Variants in PDE4B observed in about 807,000 individuals in gnomAD.
PDE4B encodes phosphodiesterase 4B.
Under a neutral mutation model 82.2 loss-of-function variants are expected in PDE4B, and 20 were observed. That is an observed-to-expected ratio of 0.24 (90% CI 0.17 to 0.35). PDE4B has a LOEUF of 0.35. PDE4B is among the 10% of genes least tolerant of loss of function. The pLI, the probability that PDE4B is intolerant of heterozygous loss-of-function variation, is 1.00. For missense variants in PDE4B, 655 were observed against 907.2 expected (o/e 0.72, Z 3.57); for synonymous variants, 320 against 318.9 (o/e 1.00, Z -0.04).
At chr1:65,932,739 A>G (rs1214932810) in intron 3 of PDE4B, among the ~76,000 whole-genome samples, 1 of 152,158 alleles carries the variant, frequency 6.6e-6, no homozygotes, top group Non-Finnish European at 1.5e-5. Flanking sequence ...CAACAGAGAT[A>G]TAGAAAGTAT....
intron 3 of PDE4B, among the ~76,000 whole-genome samples, chr1:65,927,904 C>T (rs749066976): frequency 4.6e-5 from 7 of 152,026 alleles, no homozygotes; most frequent in Non-Finnish European, 8.8e-5. Flanking sequence ...AGGATGAGTC[C>T]GGGAACCCAC....
chr1:66,079,142 G>A (rs768015667), intron 3 of PDE4B, among the ~76,000 whole-genome samples: 5 of 133,872 alleles, frequency 3.7e-5, no homozygotes, highest in Non-Finnish European at 8.0e-5. Flanking sequence ...TCACTGTCTC[G>A]GTTTCTGTCT....
chr1:66,123,213 A>G (rs1645749218), intron 3 of PDE4B, among the ~76,000 whole-genome samples: 1 of 152,130 alleles, frequency 6.6e-6, no homozygotes, highest in Non-Finnish European at 1.5e-5. Flanking sequence ...ACAAGAGAAA[A>G]TGGCTTGCTT....
At chr1:65,817,959 C>A (rs911335451) in intron 1 of PDE4B, among the ~76,000 whole-genome samples, 2 of 152,052 alleles carry the variant, frequency 1.3e-5, no homozygotes, top group African/African-American at 4.8e-5. Context: ...TGTAAAATTT[C>A]TTTTATCAGA....
At chr1:66,121,201 C>T (rs1645702770) in intron 3 of PDE4B, among the ~76,000 whole-genome samples, 1 of 151,300 alleles carries the variant, frequency 6.6e-6, no homozygotes, top group African/African-American at 2.4e-5. Context: ...AAGACAAATG[C>T]AGGCATAGCA....
At chr1:66,336,945 G>T (rs2101934108) in intron 8 of PDE4B, among the ~76,000 whole-genome samples, 1 of 152,348 alleles carries the variant, frequency 6.6e-6, no homozygotes, top group Non-Finnish European at 1.5e-5. Context: ...GAATTAGGCT[G>T]CATGACACTG....
At chr1:65,973,547 C>A (rs1650256835) in intron 3 of PDE4B, among the ~76,000 whole-genome samples, 1 of 152,128 alleles carries the variant, frequency 6.6e-6, no homozygotes. Context: ...ACACAATAGA[C>A]ACCTAGGAAT....
chr1:66,338,747 G>T (rs1363112120), intron 8 of PDE4B, among the ~76,000 whole-genome samples: 1 of 152,102 alleles, frequency 6.6e-6, no homozygotes, highest in Non-Finnish European at 1.5e-5. Context: ...GGCCGGGCGC[G>T]GTGGCTCACG....
chr1:66,194,424 GAAACAGA>G (rs1424881695), intron 3 of PDE4B, among the ~76,000 whole-genome samples: 1 of 152,028 alleles, frequency 6.6e-6, no homozygotes, highest in Non-Finnish European at 1.5e-5. Context: ...TTAAACAATA[GAAACAGA>G]AAACATTGTA....
intron 3 of PDE4B, among the ~76,000 whole-genome samples, chr1:66,141,910 G>A (rs1304727346): frequency 3.9e-5 from 6 of 151,976 alleles, no homozygotes; most frequent in Non-Finnish European, 2.9e-5. Flanking sequence ...CTGAACCCTC[G>A]CACAGTTCCA....
intron 3 of PDE4B, among the ~76,000 whole-genome samples, chr1:65,922,506 A>G (rs964224346): frequency 1.3e-5 from 2 of 152,172 alleles, no homozygotes; most frequent in African/African-American, 4.8e-5. Context: ...GATACTGAAA[A>G]ATATAATTTA....
At chr1:65,870,911 A>C (rs960610123) in intron 1 of PDE4B, among the ~76,000 whole-genome samples, 2 of 152,198 alleles carry the variant, frequency 1.3e-5, no homozygotes, top group Non-Finnish European at 2.9e-5. Context: ...GTAGATAAGA[A>C]TGAGAGTATC....
chr1:65,860,433 A>G (rs1423126531), intron 1 of PDE4B, among the ~76,000 whole-genome samples: 1 of 152,080 alleles, frequency 6.6e-6, no homozygotes. Flanking sequence ...CATTTTCTTT[A>G]TCCAATCTAT....
chr1:66,254,566 C>T (rs1333349502), intron 4 of PDE4B, among the ~76,000 whole-genome samples: 1 of 152,090 alleles, frequency 6.6e-6, no homozygotes, highest in African/African-American at 2.4e-5. Context: ...CTCAGTCTTC[C>T]TGCTCGATGT....
At chr1:66,363,699 C>T (rs1302436915) in intron 12 of PDE4B, 128 bp downstream of exon 12, 2 of 679,980 alleles carry the variant, frequency 2.9e-6, no homozygotes, top group East Asian at 2.8e-5. Context: ...ATTGCTTGAG[C>T]CCAGGGGTTC....
At chr1:66,227,997 C>G (rs1349593248) in intron 3 of PDE4B, among the ~76,000 whole-genome samples, 1 of 152,056 alleles carries the variant, frequency 6.6e-6, no homozygotes, top group East Asian at 1.9e-4. Context: ...CTTCATGGTA[C>G]CCCACTCTCA....
chr1:66,154,562 G>A lies in PDE4B; in HGVS notation c.282-92898G>A, dbSNP rs148313150. Among the ~76,000 whole-genome samples, 18 of 152,338 alleles carry A rather than the reference G, an allele frequency of 1.2e-4. No individual in the cohort carries two copies. In the East Asian group the frequency reaches 3.5e-3, roughly 29 times the overall value. On this transcript the variant is annotated intron_variant, in intron 3 of 16. Transcript: ENST00000341517. ...GTTTCATTCATGGATAAAATGCCTTGTGAATTAAACATGCTGTTTTCTTTT... is the reference window on the plus strand; with the variant it reads ...GTTTCATTCATGGATAAAATGCCTTATGAATTAAACATGCTGTTTTCTTTT...
chr1:66,221,988 A>G (rs571031473), intron 3 of PDE4B, among the ~76,000 whole-genome samples: 17 of 152,148 alleles, frequency 1.1e-4, no homozygotes, highest in Non-Finnish European at 1.0e-4. Flanking sequence ...AAACAGAAAA[A>G]GGTCTATTAT....
chr1:65,795,239 C>T (rs1645618957), intron 1 of PDE4B, among the ~76,000 whole-genome samples: 1 of 152,218 alleles, frequency 6.6e-6, no homozygotes, highest in Admixed American at 6.5e-5. Context: ...TTCTAGGTTA[C>T]TCCTAATATC....
Sources: allele counts gnomAD v4.1 joint callset (sites outside exome capture counted in the v4.1 genomes callset), GRCh38; gene constraint gnomAD v4.1.1; transcripts MANE v1.5; gene names NCBI Gene and HGNC (gene_info 2026-07-23, HGNC 2026-07-21).